NRXN3: variants seen among roughly 807,000 people sequenced by gnomAD.
NRXN3 encodes neurexin III.
A neutral mutation model predicts 137.6 loss-of-function variants in NRXN3; 32 were observed. The observed-to-expected ratio is 0.23, with a 90% CI of 0.18 to 0.31. NRXN3 has a LOEUF of 0.31. NRXN3 is among the 10% of genes least tolerant of loss of function. The pLI is 1.00. For missense variants in NRXN3, 1,574 were observed against 2,062.5 expected, an observed-to-expected ratio of 0.76 and a Z score of 4.59; for synonymous variants, 798 against 784.5, an observed-to-expected ratio of 1.02 and a Z score of -0.29.
At chr14:79,121,263 C>A (rs897463573) in intron 15 of NRXN3, among the ~76,000 whole-genome samples, 3 of 152,180 alleles carry the variant, frequency 2.0e-5, no homozygotes, top group African/African-American at 7.2e-5. Context: ...AATCCTTCAG[C>A]CACATTGATA....
chr14:79,571,303 C>T (rs1316827541), intron 16 of NRXN3, among the ~76,000 whole-genome samples: 1 of 152,118 alleles, frequency 6.6e-6, no homozygotes, highest in Non-Finnish European at 1.5e-5. Flanking sequence ...TTCCGTTTTA[C>T]TTACTCAAGA....
intron 4 of NRXN3, among the ~76,000 whole-genome samples, chr14:78,499,345 T>C (rs1122842): frequency 0.38 from 58,328 of 151,854 alleles, 11,476 homozygotes; most frequent in Admixed American, 0.43. Context: ...TCATTTTCCC[T>C]AAACCTAATG....
chr14:78,746,350 A>G (rs148895110), intron 8 of NRXN3, among the ~76,000 whole-genome samples: 1 of 152,316 alleles, frequency 6.6e-6, no homozygotes, highest in Non-Finnish European at 1.5e-5. Context: ...CTCTAAGAAC[A>G]CACAGAGACC....
intron 15 of NRXN3, among the ~76,000 whole-genome samples, chr14:79,137,282 G>A (rs1230165803): frequency 6.6e-6 from 1 of 152,170 alleles, no homozygotes; most frequent in Non-Finnish European, 1.5e-5. Flanking sequence ...AGAGTGTTCT[G>A]TTCCTGCAGA....
At chr14:78,544,903 C>G (rs2096623884) in intron 4 of NRXN3, among the ~76,000 whole-genome samples, 1 of 152,118 alleles carries the variant, frequency 6.6e-6, no homozygotes, top group Non-Finnish European at 1.5e-5. Context: ...AGAGGTTTGC[C>G]CAAGAGACAG....
At chr14:78,248,703 G>C (rs941046898) in intron 2 of NRXN3, among the ~76,000 whole-genome samples, 5 of 152,118 alleles carry the variant, frequency 3.3e-5, no homozygotes. Context: ...TGTCAGCTCT[G>C]AATGGCTTTG....
At chr14:79,602,874 G>A (rs948481485) in intron 16 of NRXN3, among the ~76,000 whole-genome samples, 2 of 152,048 alleles carry the variant, frequency 1.3e-5, no homozygotes, top group African/African-American at 4.8e-5. Flanking sequence ...TACCTGCCAA[G>A]TGTCTGTGCT....
At chr14:78,490,408 T>A (rs889189437) in intron 4 of NRXN3, among the ~76,000 whole-genome samples, 1 of 152,130 alleles carries the variant, frequency 6.6e-6, no homozygotes, top group Non-Finnish European at 1.5e-5. Flanking sequence ...ATAGGAAAAA[T>A]ATTCTGAATA....
At chr14:78,676,025 G>A (rs2098001362) in intron 6 of NRXN3, among the ~76,000 whole-genome samples, 1 of 152,008 alleles carries the variant, frequency 6.6e-6, no homozygotes, top group African/African-American at 2.4e-5. Flanking sequence ...ATGTTGCATG[G>A]GTTCTGACTG....
At chr14:79,854,291 T>C in intron 20 of NRXN3, 1 of 310,188 alleles carries the variant, frequency 3.2e-6, no homozygotes, top group Non-Finnish European at 4.7e-6. Context: ...ATGATTTCTT[T>C]TTTTCCCAGA....
chr14:79,624,011 T>A (rs1400505163), intron 16 of NRXN3, among the ~76,000 whole-genome samples: 1 of 152,140 alleles, frequency 6.6e-6, no homozygotes, highest in Non-Finnish European at 1.5e-5. Context: ...CTACAGATGA[T>A]TTCACCTAGA....
chr14:79,033,228 A>G (rs933269330), intron 15 of NRXN3, among the ~76,000 whole-genome samples: 12 of 152,084 alleles, frequency 7.9e-5, no homozygotes, highest in African/African-American at 2.7e-4. Context: ...GTTAACCTCT[A>G]TCGTACATTT....
At chr14:79,171,146 C>G (rs1288832575) in intron 15 of NRXN3, among the ~76,000 whole-genome samples, 2 of 152,052 alleles carry the variant, frequency 1.3e-5, no homozygotes, top group Admixed American at 6.6e-5. Flanking sequence ...TGACTCCCCC[C>G]AGGCATAGAA....
At position 78,974,354 on chromosome 14, in the gene NRXN3, G is replaced by A. The variant is rs1478204065; in HGVS notation, c.3142+6008G>A. 2.6e-5 allele frequency among the ~76,000 whole-genome samples: 4 copies of A among 152,264 alleles called. No homozygotes were observed. The East Asian group carries it at 7.7e-4, about 29-fold the overall frequency. Reference sequence around the variant, plus strand: ...TTCCCTGACTTTACTATCACGCAGGGTAAGAACTATATGGATTTTGAATTC... The same window carrying A: ...TTCCCTGACTTTACTATCACGCAGGATAAGAACTATATGGATTTTGAATTC... On this transcript the variant is annotated intron_variant, in intron 14 of 20. Coordinates refer to ENST00000335750, the MANE Select transcript of NRXN3 (RefSeq NM_001330195.2).
intron 16 of NRXN3, among the ~76,000 whole-genome samples, chr14:79,473,382 G>T (rs551349981): frequency 6.6e-6 from 1 of 152,188 alleles, no homozygotes; most frequent in Admixed American, 6.5e-5. Context: ...GATGATGAAT[G>T]GTCTGTTCCT....
intron 15 of NRXN3, among the ~76,000 whole-genome samples, chr14:79,335,370 G>A (rs1337102287): frequency 6.6e-6 from 1 of 152,040 alleles, no homozygotes; most frequent in Admixed American, 6.6e-5. Flanking sequence ...TAGTATGACA[G>A]TCCTGATACT....
intron 4 of NRXN3, among the ~76,000 whole-genome samples, chr14:78,580,128 G>C (rs1324477348): frequency 6.6e-6 from 1 of 152,078 alleles, no homozygotes; most frequent in Non-Finnish European, 1.5e-5. Context: ...CATCTTGTAT[G>C]AGTCTTTAAT....
At chr14:79,164,529 A>G (rs1362858824) in intron 15 of NRXN3, among the ~76,000 whole-genome samples, 1 of 152,092 alleles carries the variant, frequency 6.6e-6, no homozygotes, top group East Asian at 1.9e-4. Flanking sequence ...TCCATGGAGA[A>G]ACTTCTGACA....
At chr14:78,487,382 A>T (rs2095578701) in intron 4 of NRXN3, among the ~76,000 whole-genome samples, 1 of 152,190 alleles carries the variant, frequency 6.6e-6, no homozygotes, top group Non-Finnish European at 1.5e-5. Context: ...TCTGGGGGAT[A>T]GTACTTCAAG....
Sources: allele counts gnomAD v4.1 joint callset (sites outside exome capture counted in the v4.1 genomes callset), GRCh38; gene constraint gnomAD v4.1.1; transcripts MANE v1.5; gene names NCBI Gene and HGNC (gene_info 2026-07-23, HGNC 2026-07-21).